The following RUNX2 variants were observed in gnomAD, a reference collection of about 807,000 sequenced individuals.
RUNX2 encodes RUNX family transcription factor 2, also known as runt-related transcription factor 2.
RUNX2 carries 10 observed loss-of-function variants against 51.7 expected under a neutral mutation model. The ratio of observed to expected loss-of-function variants is 0.19; its 90% CI spans 0.12 to 0.33. The LOEUF is 0.33. RUNX2 is among the 10% of genes least tolerant of loss of function. The probability of loss-of-function intolerance (pLI) is 1.00; values close to 1 mark genes in which losing one functional copy is unlikely to be tolerated. For missense variants in RUNX2, 562 were observed against 691.3 expected, an observed-to-expected ratio of 0.81 and a Z score of 2.10; for synonymous variants, 276 against 273.6, an observed-to-expected ratio of 1.01 and a Z score of -0.09.
intron 2 of RUNX2, among the ~76,000 whole-genome samples, chr6:45,379,265 G>A (rs1797163786): frequency 6.6e-6 from 1 of 152,186 alleles, no homozygotes; most frequent in Admixed American, 6.5e-5. Context: ...GCTGAGCAAA[G>A]TGTGCAGTAT....
chr6:45,454,504 T>C (rs915859762), intron 5 of RUNX2, among the ~76,000 whole-genome samples: 2 of 152,166 alleles, frequency 1.3e-5, no homozygotes. Flanking sequence ...ACAGGATGAG[T>C]CATCTCTTAG....
intron 4 of RUNX2, among the ~76,000 whole-genome samples, chr6:45,436,167 A>G (rs1798678512): frequency 6.6e-6 from 1 of 152,232 alleles, no homozygotes; most frequent in African/African-American, 2.4e-5. Context: ...ATATTGCATT[A>G]GTCCATTTAT....
chr6:45,527,251 T>C (rs1003055475), intron 7 of RUNX2, among the ~76,000 whole-genome samples: 2 of 152,132 alleles, frequency 1.3e-5, no homozygotes, highest in Non-Finnish European at 2.9e-5. Flanking sequence ...GGGTCCAAGT[T>C]ATGCAGGGCC....
intron 2 of RUNX2, among the ~76,000 whole-genome samples, chr6:45,337,190 ATT>A (rs968239859): frequency 2.0e-5 from 3 of 151,740 alleles, no homozygotes; most frequent in Non-Finnish European, 4.4e-5. Context: ...GACTTACAGA[ATT>A]TTTTTCTAAA....
At chr6:45,386,068 C>CTT (rs112684794) in intron 2 of RUNX2, among the ~76,000 whole-genome samples, 13 of 135,012 alleles carry the variant, frequency 9.6e-5, no homozygotes, top group African/African-American at 1.6e-4. Flanking sequence ...CTTATTAGTG[C>CTT]TTTTTTTTTT....
chr6:45,457,521 A>G (rs2150383956), intron 5 of RUNX2, among the ~76,000 whole-genome samples: 1 of 152,272 alleles, frequency 6.6e-6, no homozygotes, highest in East Asian at 1.9e-4. Flanking sequence ...AGACTCTAAA[A>G]ATCCTGAAAA....
intron 2 of RUNX2, among the ~76,000 whole-genome samples, chr6:45,385,572 C>G (rs763972532): frequency 6.6e-6 from 1 of 152,160 alleles, no homozygotes; most frequent in Non-Finnish European, 1.5e-5. Context: ...CACAACATCA[C>G]AGAAACACAA....
chr6:45,396,323 T>C (rs1224373034), intron 2 of RUNX2, among the ~76,000 whole-genome samples: 2 of 152,214 alleles, frequency 1.3e-5, no homozygotes, highest in Non-Finnish European at 2.9e-5. Flanking sequence ...ATGGCTTTAG[T>C]ACATTTACCG....
chr6:45,380,038 C>A (rs1384877566), intron 2 of RUNX2, among the ~76,000 whole-genome samples: 2 of 152,156 alleles, frequency 1.3e-5, no homozygotes, highest in African/African-American at 4.8e-5. Flanking sequence ...CAGGTTCCTA[C>A]CTCCTGGAAT....
intron 2 of RUNX2, among the ~76,000 whole-genome samples, chr6:45,414,754 CTTTTTTTTTTTT>C (rs34672680): frequency 0.014 from 458 of 33,466 alleles, 10 homozygotes; most frequent in African/African-American, 0.047. Context: ...CAGATCCTGG[CTTTTTTTTTTTT>C]TTTTTTTTTT....
intron 2 of RUNX2, among the ~76,000 whole-genome samples, chr6:45,346,567 C>CTTTTTTTTTTTTTT (rs71745024): frequency 2.1e-5 from 3 of 140,430 alleles, no homozygotes. Context: ...ATAAACATTT[C>CTTTTTTTTTTTTTT]TTTTTTTTTT....
At chr6:45,513,710 T>C (rs922359083) in intron 7 of RUNX2, 1 of 152,164 alleles carries the variant, frequency 6.6e-6, no homozygotes, top group African/African-American at 2.4e-5. Flanking sequence ...TGGAAAACCA[T>C]GTTACCACTT....
chr6:45,328,838 G>C (rs1168554809), intron 2 of RUNX2, 54 bp downstream of exon 2: 3 of 1,559,710 alleles, frequency 1.9e-6, no homozygotes, highest in East Asian at 4.5e-5. Flanking sequence ...TAAACATAAA[G>C]GTATGATTCT....
intron 2 of RUNX2, among the ~76,000 whole-genome samples, chr6:45,355,272 C>CTTTAA (rs374504960): frequency 3.5e-4 from 53 of 151,486 alleles, no homozygotes; most frequent in Non-Finnish European, 5.2e-4. Context: ...CCAATAAGCA[C>CTTTAA]TTTAATTTAA....
chr6:45,451,545 G>A (rs1250949066), intron 5 of RUNX2, among the ~76,000 whole-genome samples: 1 of 152,236 alleles, frequency 6.6e-6, no homozygotes, highest in Non-Finnish European at 1.5e-5. Context: ...ATGAGGATAA[G>A]TTGAAAGACT....
intron 5 of RUNX2, among the ~76,000 whole-genome samples, chr6:45,447,735 TATC>T (rs994908736): frequency 6.6e-6 from 1 of 152,238 alleles, no homozygotes. Context: ...TTCATTTGCT[TATC>T]ATTCCTTCTT....
chr6:45,521,790 C>T (rs1801515480), intron 7 of RUNX2, among the ~76,000 whole-genome samples: 1 of 152,132 alleles, frequency 6.6e-6, no homozygotes, highest in African/African-American at 2.4e-5. Flanking sequence ...TGACACAGTT[C>T]ATTAGTGTCC....
intron 2 of RUNX2, among the ~76,000 whole-genome samples, chr6:45,398,650 T>C (rs1432322458): frequency 6.6e-6 from 1 of 152,214 alleles, no homozygotes; most frequent in Non-Finnish European, 1.5e-5. Context: ...TAGATCTTTA[T>C]CTTGAAGTCA....
chr6:45,419,259 C>T (rs1201295690), intron 2 of RUNX2, among the ~76,000 whole-genome samples: 1 of 152,056 alleles, frequency 6.6e-6, no homozygotes, highest in Non-Finnish European at 1.5e-5. Flanking sequence ...GGCATATCAC[C>T]CACCATGGTA....
Sources: gnomAD v4.1 joint callset for allele counts (sites outside exome capture counted in the v4.1 genomes callset) on GRCh38, gnomAD v4.1.1 for gene constraint, MANE v1.5 for transcripts, NCBI Gene and HGNC (gene_info 2026-07-23, HGNC 2026-07-21) for gene names.